The following LRP2 variants were observed in gnomAD, a reference collection of about 807,000 sequenced individuals.
The protein encoded by LRP2 is low-density lipoprotein receptor-related protein 2.
In LRP2, 172 loss-of-function variants were observed where a neutral mutation model predicts 531.0. The ratio of observed to expected loss-of-function variants is 0.32; its 90% CI spans 0.29 to 0.37. The LOEUF is 0.37. Among genes scored for constraint, LRP2 ranks in the 10% least tolerant of loss-of-function variants. LRP2 has a pLI of 1.00. For missense variants in LRP2, 5,167 were observed against 5,868.3 expected, an observed-to-expected ratio of 0.88 and a Z score of 3.90; for synonymous variants, 1,992 against 2,027.6, an observed-to-expected ratio of 0.98 and a Z score of 0.47.
chr2:169,205,485 G>C lies in LRP2; in HGVS notation c.7709C>G (p.Ala2570Gly). 1 of 1,614,016 alleles carries C rather than the reference G, an allele frequency of 6.2e-7. No individual in the cohort carries two copies. Among genetic ancestry groups the C allele is most frequent in the Non-Finnish European group, 8.5e-7 (1 of 1,179,970 alleles). Residue 2570 changes from alanine to glycine, a missense_variant, in exon 41 of 79, where the codon GCT becomes GGT. Ala to Gly is a moderately conservative substitution (Grantham distance 60). Around this residue, in one of 6 missense-constraint regions of LRP2, gnomAD observed 1,129 missense variants for 1,362.7 expected, o/e 0.83. Transcript: ENST00000649046. Reference protein sequence around the residue: ...YEEDLLYWVDASLQRIERSTL... With the variant: ...YEEDLLYWVDGSLQRIERSTL... ...AGTAACCAGAGACACCTACAGACTA[G>C]CATCCACCCAGTAGAGAAGGTCCTC...
At chr2:169,257,808 G>C (rs1190207472) in intron 17 of LRP2, among the ~76,000 whole-genome samples, 1 of 109,200 alleles carries the variant, frequency 9.2e-6, no homozygotes, top group Non-Finnish European at 1.8e-5. Context: ...AAGTCTAGAG[G>C]CAAAAAAAAA....
intron 9 of LRP2, among the ~76,000 whole-genome samples, chr2:169,287,677 A>T (rs1683894302): frequency 6.6e-6 from 1 of 151,530 alleles, no homozygotes; most frequent in Non-Finnish European, 1.5e-5. Context: ...AGAAAAAAAG[A>T]AAGGCTTTTC....
chr2:169,178,102 C>T (rs907478767), intron 52 of LRP2, 76 bp from the exon 53 acceptor site: 2 of 1,090,332 alleles, frequency 1.8e-6, no homozygotes, highest in East Asian at 2.5e-5. Flanking sequence ...TAAAAGAATT[C>T]ACAAATCAAT....
intron 76 of LRP2, among the ~76,000 whole-genome samples, chr2:169,133,917 A>G (rs1276948692): frequency 6.6e-6 from 1 of 152,190 alleles, no homozygotes; most frequent in Non-Finnish European, 1.5e-5. Flanking sequence ...AAAGCTTCAC[A>G]GACAGCCCCC....
chr2:169,190,171 A>T (rs1687781517), intron 48 of LRP2, among the ~76,000 whole-genome samples: 1 of 152,266 alleles, frequency 6.6e-6, no homozygotes, highest in South Asian at 2.1e-4. Context: ...CTTGAGCAGT[A>T]GGGAGAAAAT....
chr2:169,248,793 C>T (rs1309849227), intron 19 of LRP2, among the ~76,000 whole-genome samples: 1 of 130,970 alleles, frequency 7.6e-6, no homozygotes, highest in East Asian at 2.1e-4. Flanking sequence ...GTGCGCGAGC[C>T]GAAGCAGAGC....
chr2:169,298,177 A>C (rs960062845), intron 4 of LRP2, among the ~76,000 whole-genome samples: 1 of 147,350 alleles, frequency 6.8e-6, no homozygotes, highest in African/African-American at 2.5e-5. Context: ...AGCGCTACCC[A>C]CAAAGTTAAA....
Position 169,142,848 on chromosome 2 carries a change from AC to A in LRP2, c.12989-56del, listed in dbSNP as rs1574067494. ...TCCTGACAGAATGAATAACCTGAAT[AC>A]CCAGCAACTGGAAGTGGCTCTGCCA... On this transcript the variant is annotated intron_variant, in intron 70 of 78. Transcript: ENST00000649046. The A allele has an allele frequency of 3.7e-6, 6 of 1,607,156 alleles. No homozygotes were observed. The East Asian group carries it at 1.3e-4, about 36-fold the overall frequency.
rs2105405639 is a variant in LRP2, at chr2:169,256,153, C to T, written c.2723G>A (p.Gly908Asp). 6.2e-7 allele frequency: 1 copy of T among 1,612,942 alleles called. No individual in the cohort carries two copies. ...CGGATGTGTCATCTGCTCTATATGG[C>T]CCAGTCTTCTTCTGTCTAAACCATC... Reference protein sequence around the residue: ...TFDGLDRRRLGHIEQMTHPFG... With the variant: ...TFDGLDRRRLDHIEQMTHPFG... The change falls in exon 19 of 79, where the codon GGC becomes GAC. Residue 908 changes from glycine (G) to aspartate (D), a missense_variant. Gly to Asp is a moderately conservative substitution (Grantham distance 94). Around this residue, in one of 6 missense-constraint regions of LRP2, gnomAD observed 2,811 missense variants for 3,058.0 expected, o/e 0.92. Coordinates refer to ENST00000649046, the MANE Select transcript of LRP2 (RefSeq NM_004525.3).
intron 49 of LRP2, 82 bp from the exon 50 acceptor site, chr2:169,186,101 T>A: frequency 8.3e-7 from 1 of 1,208,024 alleles, no homozygotes; most frequent in Non-Finnish European, 1.2e-6. Context: ...ACATTTCTAC[T>A]AAACAGTGCC....
chr2:169,292,117 A>G (rs1291249931), intron 7 of LRP2, 136 bp downstream of exon 7: 1 of 736,430 alleles, frequency 1.4e-6, no homozygotes, highest in African/African-American at 1.7e-5. Flanking sequence ...CTAAGTTCCT[A>G]AACAACCCCT....
chr2:169,163,987 G>T (rs1182801450), intron 62 of LRP2, among the ~76,000 whole-genome samples: 1 of 152,220 alleles, frequency 6.6e-6, no homozygotes, highest in African/African-American at 2.4e-5. Flanking sequence ...TCTGCCCAGA[G>T]TGGCCATGTA....
intron 71 of LRP2, among the ~76,000 whole-genome samples, chr2:169,141,938 G>C (rs1685735181): frequency 6.6e-6 from 1 of 152,146 alleles, no homozygotes; most frequent in Non-Finnish European, 1.5e-5. Flanking sequence ...GGTGGTTCCT[G>C]GTCTAACTGC....
intron 1 of LRP2, among the ~76,000 whole-genome samples, chr2:169,328,049 C>A (rs1404757368): frequency 7.0e-6 from 1 of 142,834 alleles, no homozygotes; most frequent in African/African-American, 2.6e-5. Context: ...CCAGCCGCCC[C>A]GTCCGGGAGG....
In LRP2 at chr2:169,282,904, C is replaced by G. The variant is rs529409328; in HGVS notation, c.1140G>C (p.Glu380Asp). The G allele has an allele frequency of 4.3e-6, 7 of 1,614,116 alleles. No homozygotes were observed. In the Admixed American group the frequency reaches 5.0e-5, roughly 12 times the overall value. The change falls in exon 10 of 79, where the codon GAG (glutamate) becomes GAC (aspartate). Residue 380 changes from glutamate to aspartate, a missense_variant. Glu to Asp is a conservative substitution (Grantham distance 45). Coordinates refer to ENST00000649046, the MANE Select transcript of LRP2 (RefSeq NM_004525.3). ...LCHCEEGYIL[E>D]RGQYCKANDS... ...CATTAGCTTTGCAATACTGTCCACG[C>G]TCCAAGATATACCCTTCTTCACAGT...
intron 40 of LRP2, 88 bp from the exon 41 acceptor site, chr2:169,205,725 CA>C: frequency 7.6e-7 from 1 of 1,317,702 alleles, no homozygotes; most frequent in South Asian, 1.2e-5. Flanking sequence ...TCTTTAATTG[CA>C]AATTGCCAGT....
At chr2:169,137,580 GAAA>G in intron 75 of LRP2, 87 bp from the exon 76 acceptor site, 1 of 687,488 alleles carries the variant, frequency 1.5e-6, no homozygotes. Flanking sequence ...CACACACAAA[GAAA>G]GGTGCCTTCC....
chr2:169,312,104 G>T (rs1476804185), intron 3 of LRP2, among the ~76,000 whole-genome samples: 1 of 151,870 alleles, frequency 6.6e-6, no homozygotes, highest in South Asian at 2.1e-4. Flanking sequence ...GTCTCTGCAC[G>T]TGAGATGGGT....
At chr2:169,162,746 T>C (rs1326832513) in intron 62 of LRP2, 146 bp from the exon 63 acceptor site, 1 of 833,656 alleles carries the variant, frequency 1.2e-6, no homozygotes, top group Non-Finnish European at 2.0e-6. Context: ...GTTAGGACCA[T>C]GTGACCAGTT....
Sources: gnomAD v4.1 joint callset for allele counts (sites outside exome capture counted in the v4.1 genomes callset) on GRCh38, gnomAD v4.1.1 for gene constraint, gnomAD v4.1.1 regional missense constraint, MANE v1.5 for transcripts, NCBI Gene and HGNC (gene_info 2026-07-23, HGNC 2026-07-21) for gene names.